SKP2: variants seen among roughly 807,000 people sequenced by gnomAD.
The protein encoded by SKP2 is S-phase kinase-associated protein 2.
Under a neutral mutation model 51.8 loss-of-function variants are expected in SKP2, and 16 were observed. That is an observed-to-expected ratio of 0.31 (90% CI 0.21 to 0.47). SKP2 has a LOEUF of 0.47. SKP2 is among the 20% of genes least tolerant of loss of function. The probability of loss-of-function intolerance (pLI) is 1.00; values close to 1 mark genes in which losing one functional copy is unlikely to be tolerated. For synonymous variants in SKP2, 176 were observed against 198.6 expected (o/e 0.89, Z 0.96); for missense variants, 377 against 505.3 (o/e 0.75, Z 2.43).
chr5:36,162,895 TGGC>T (rs1191443318), intron 2 of SKP2, among the ~76,000 whole-genome samples: 2 of 152,180 alleles, frequency 1.3e-5, no homozygotes, highest in African/African-American at 4.8e-5. Context: ...CTTCTCCACA[TGGC>T]GGCATCAAGT....
chr5:36,177,739 A>G (rs926379915), intron 9 of SKP2, among the ~76,000 whole-genome samples: 1 of 151,692 alleles, frequency 6.6e-6, no homozygotes, highest in Non-Finnish European at 1.5e-5. Context: ...TAAGTCCTGG[A>G]TAGTGAAGAA....
intron 9 of SKP2, among the ~76,000 whole-genome samples, chr5:36,179,288 A>C (rs748542198): frequency 6.6e-6 from 1 of 152,152 alleles, no homozygotes; most frequent in Admixed American, 6.6e-5. Context: ...GGCAGCTGAT[A>C]TATTTGAGGT....
At chr5:36,188,296 C>T (rs1416942120), downstream of SKP2, among the ~76,000 whole-genome samples, 1 of 152,106 alleles carries the variant, frequency 6.6e-6, no homozygotes, top group African/African-American at 2.4e-5. Context: ...TTATTTTGCT[C>T]GTTAGTTGAT....
At chr5:36,171,249 A>T (rs1234999253) in intron 6 of SKP2, among the ~76,000 whole-genome samples, 1 of 152,194 alleles carries the variant, frequency 6.6e-6, no homozygotes, top group Admixed American at 6.5e-5. Context: ...CAATTGCGTA[A>T]AACATCCTGA....
At chr5:36,167,483 A>G (rs1745323102) in intron 4 of SKP2, among the ~76,000 whole-genome samples, 1 of 152,194 alleles carries the variant, frequency 6.6e-6, no homozygotes, top group Non-Finnish European at 1.5e-5. Context: ...ATTTATGCCC[A>G]GGACTCTCAG....
At chr5:36,172,401 A>T (rs1745504033) in intron 7 of SKP2, among the ~76,000 whole-genome samples, 1 of 152,218 alleles carries the variant, frequency 6.6e-6, no homozygotes, top group African/African-American at 2.4e-5. Context: ...AAACCTTAAT[A>T]TTCAGTTACG....
rs1491426934 is a variant in SKP2, at chr5:36,190,684, A to AAAAAC, written c.633-1933_633-1932insCAAAA. On this transcript the variant is annotated intron_variant, in intron 6 of 7. Coordinates refer to the SKP2 transcript ENST00000677886. The stretch of plus-strand genomic sequence containing the variant: ...ATGATGAAAAACGTCAAACATATGC[A>AAAAAC]AAAAAAAAAAAAAAAAAAAAAAGAA... 1.3e-4 allele frequency among the ~76,000 whole-genome samples: 3 copies of AAAAAC among 23,924 alleles called. No individual in the cohort carries two copies. In the East Asian group the frequency reaches 1.6e-3, roughly 12 times the overall value. The allele number at this position is 23,924 out of a possible 152,430, so 15.7% of individuals were successfully genotyped here.
rs1281317825 is a variant in SKP2, at chr5:36,152,938, T to G, written c.176T>G (p.Leu59Arg). Residue 59 changes from leucine (L) to arginine (R), a missense_variant, in exon 2 of 10, where the codon CTG becomes CGG. By Grantham distance (102) the Leu-to-Arg change is moderately radical. This residue lies in a region of SKP2 where 115 missense variants were observed against 115.5 expected (regional missense o/e 1.00). Transcript: ENST00000274255. ...ATCCCCCAGGAACTGCTCTCAAACC[T>G]GGGCCACCCGGAGAGCCCCCCACGG... ...ENIPQELLSN[L>R]GHPESPPRKR... 1 of 1,614,056 alleles carries G rather than the reference T, an allele frequency of 6.2e-7. No homozygotes were observed. The highest frequency in any genetic ancestry group is 8.5e-7 in the Non-Finnish European group (1 of 1,180,004).
chr5:36,162,091 A>G (rs1210753915), intron 2 of SKP2, among the ~76,000 whole-genome samples: 1 of 152,182 alleles, frequency 6.6e-6, no homozygotes, highest in Non-Finnish European at 1.5e-5. Flanking sequence ...TCTGTTCTAA[A>G]CACAGCAGCC....
intron 9 of SKP2, among the ~76,000 whole-genome samples, chr5:36,177,636 C>CTTT (rs201383999): frequency 7.0e-6 from 1 of 143,266 alleles, no homozygotes; most frequent in Non-Finnish European, 1.5e-5. Context: ...GGGTTAGTGT[C>CTTT]TTTTTTTTTT....
At chr5:36,181,297 G>A (rs1745802803) in intron 9 of SKP2, among the ~76,000 whole-genome samples, 1 of 152,140 alleles carries the variant, frequency 6.6e-6, no homozygotes, top group African/African-American at 2.4e-5. Flanking sequence ...CACACATAAT[G>A]GACTTGTTGA....
Position 36,172,173 on chromosome 5 carries a change from G to A in SKP2, c.901+440G>A, listed in dbSNP as rs72744541. 6.8e-3 allele frequency among the ~76,000 whole-genome samples: 1,041 copies of A among 152,274 alleles called. 15 individuals are homozygous for A. The highest frequency in any genetic ancestry group is 0.01 in the Middle Eastern group (3 of 294). On this transcript the variant is annotated intron_variant, in intron 7 of 9. Transcript: ENST00000274255. ...GTAGGAGTGCTGATGGTCTCTCATG[G>A]GCGGAAGCCAGGATGCTGGTGGACG...
downstream of SKP2, among the ~76,000 whole-genome samples, chr5:36,187,391 C>T (rs748715930): frequency 1.3e-5 from 2 of 152,216 alleles, no homozygotes; most frequent in Admixed American, 1.3e-4. Flanking sequence ...AAATTTCCCT[C>T]TACACACTGC....
At chr5:36,177,037 T>C in intron 8 of SKP2, 21 bp downstream of exon 8, 1 of 1,546,192 alleles carries the variant, frequency 6.5e-7, no homozygotes, top group Non-Finnish European at 8.9e-7. Flanking sequence ...ATTTGTTTAT[T>C]TTAGATCAAA....
At chr5:36,189,968 A>C (rs1745991190) in intron 6 of SKP2, among the ~76,000 whole-genome samples, 1 of 152,104 alleles carries the variant, frequency 6.6e-6, no homozygotes, top group Non-Finnish European at 1.5e-5. Context: ...TCGATCTCAG[A>C]CTGCTGTGCT....
chr5:36,159,194 A>C (rs1292594993), intron 2 of SKP2, among the ~76,000 whole-genome samples: 2 of 152,188 alleles, frequency 1.3e-5, no homozygotes, highest in African/African-American at 4.8e-5. Flanking sequence ...GCAAAGATGG[A>C]AGTTGCAACA....
chr5:36,173,360 G>A (rs1233365343), intron 7 of SKP2, among the ~76,000 whole-genome samples: 1 of 152,116 alleles, frequency 6.6e-6, no homozygotes, highest in Non-Finnish European at 1.5e-5. Context: ...CTATTCTCAA[G>A]TTTTGGATAG....
At chr5:36,177,413 C>G in intron 9 of SKP2, 121 bp downstream of exon 9, 1 of 745,316 alleles carries the variant, frequency 1.3e-6, no homozygotes, top group East Asian at 2.5e-5. Context: ...ATAAGTATAC[C>G]ACAGACTGGC....
intron 3 of SKP2, among the ~76,000 whole-genome samples, chr5:36,165,786 C>T (rs1291123183): frequency 2.0e-5 from 3 of 152,146 alleles, no homozygotes; most frequent in Non-Finnish European, 4.4e-5. Context: ...TTATATTTCA[C>T]ATTTTCTTTT....
Sources: gnomAD v4.1 joint callset for allele counts (sites outside exome capture counted in the v4.1 genomes callset) on GRCh38, gnomAD v4.1.1 for gene constraint, gnomAD v4.1.1 regional missense constraint, MANE v1.5 for transcripts, NCBI Gene and HGNC (gene_info 2026-07-23, HGNC 2026-07-21) for gene names.